EYA4: variants seen among roughly 807,000 people sequenced by gnomAD.
The protein encoded by EYA4 is EYA transcriptional coactivator and phosphatase 4.
EYA4 carries 31 observed loss-of-function variants against 87.9 expected under a neutral mutation model. The ratio of observed to expected loss-of-function variants is 0.35; its 90% CI spans 0.27 to 0.48. The LOEUF (loss-of-function observed/expected upper bound fraction) is 0.48. Among genes scored for constraint, EYA4 ranks in the 20% least tolerant of loss-of-function variants. The pLI, the probability that EYA4 is intolerant of heterozygous loss-of-function variation, is 0.99. For missense variants in EYA4, 678 were observed against 761.4 expected (o/e 0.89, Z 1.29); for synonymous variants, 263 against 270.6 (o/e 0.97, Z 0.28).
At chr6:133,258,274 C>G (rs1441952555) in intron 1 of EYA4, among the ~76,000 whole-genome samples, 1 of 152,178 alleles carries the variant, frequency 6.6e-6, no homozygotes, top group Non-Finnish European at 1.5e-5. Context: ...TCTCTACCAC[C>G]TGATGTCTTT....
chr6:133,251,220 T>C (rs1774873761), intron 1 of EYA4, among the ~76,000 whole-genome samples: 1 of 152,246 alleles, frequency 6.6e-6, no homozygotes, highest in African/African-American at 2.4e-5. Context: ...ATAATGGTAG[T>C]ACTTTATAGC....
At chr6:133,279,027 A>G (rs1480646865) in intron 2 of EYA4, among the ~76,000 whole-genome samples, 1 of 152,114 alleles carries the variant, frequency 6.6e-6, no homozygotes, top group Admixed American at 6.5e-5. Flanking sequence ...TATAGCTTCT[A>G]TAATATCTTT....
At chr6:133,512,441 A>G (rs750525881) in intron 14 of EYA4, among the ~76,000 whole-genome samples, 1 of 152,248 alleles carries the variant, frequency 6.6e-6, no homozygotes, top group Non-Finnish European at 1.5e-5. Context: ...TTTCTTATCA[A>G]TAATTTTAAG....
At chr6:133,438,822 C>A (rs1319762301) in intron 3 of EYA4, among the ~76,000 whole-genome samples, 2 of 151,952 alleles carry the variant, frequency 1.3e-5, no homozygotes, top group Non-Finnish European at 2.9e-5. Context: ...GTGGGTGGAT[C>A]ACAAGGTCAG....
chr6:133,453,129 G>A (rs1317767257), intron 5 of EYA4: 1 of 152,020 alleles, frequency 6.6e-6, no homozygotes, highest in Non-Finnish European at 1.5e-5. Flanking sequence ...AACAGTCAAG[G>A]AATAGGCACT....
At chr6:133,302,452 A>G (rs924779493) in intron 2 of EYA4, among the ~76,000 whole-genome samples, 2 of 152,220 alleles carry the variant, frequency 1.3e-5, no homozygotes, top group African/African-American at 2.4e-5. Context: ...CAGTATATTC[A>G]TTAATAATCG....
chr6:133,476,889 C>A (rs575641990), intron 11 of EYA4, among the ~76,000 whole-genome samples: 3 of 152,152 alleles, frequency 2.0e-5, no homozygotes, highest in African/African-American at 7.2e-5. Context: ...TTGTAATCCC[C>A]CTAATGCCCA....
chr6:133,530,957 C>G lies in EYA4; in HGVS notation c.*2152C>G. The G allele has an allele frequency of 8.1e-7, 1 of 1,232,794 alleles. No homozygotes were observed. Among genetic ancestry groups the G allele is most frequent in the Non-Finnish European group, 1.0e-6 (1 of 984,498 alleles). The allele number at this position is 1,232,794 out of a possible 1,614,324, so 76.4% of individuals were successfully genotyped here. A position where few individuals can be genotyped will look rare whatever the true frequency, so the allele number is the denominator to read the frequency against. ...TACTTAATTATGTTGTGCACTAAAA[C>G]CTTAAATATTTATTACTGTGAATAA... On this transcript the variant is annotated 3_prime_UTR_variant, in exon 20 of 20. Coordinates refer to ENST00000355286, the MANE Select transcript of EYA4 (RefSeq NM_004100.5).
chr6:133,480,911 A>G (rs778210711), intron 11 of EYA4, among the ~76,000 whole-genome samples: 39 of 152,044 alleles, frequency 2.6e-4, no homozygotes, highest in Non-Finnish European at 4.4e-5. Flanking sequence ...AGGACTTTTT[A>G]ACTTCTCAGT....
At chr6:133,349,684 G>T (rs1783484762) in intron 2 of EYA4, among the ~76,000 whole-genome samples, 8 of 151,270 alleles carry the variant, frequency 5.3e-5, no homozygotes, top group Admixed American at 5.2e-4. Flanking sequence ...GAATGTGGGG[G>T]CTGTAATAAA....
rs776895586 is a variant in EYA4, at chr6:133,531,670, G to A, written c.*2865G>A. On this transcript the variant is annotated 3_prime_UTR_variant, in exon 20 of 20. Transcript: ENST00000355286. Reference sequence around the variant, plus strand: ...GGACACTATGCCCCTGCAAAATTTTGTAAATCAAATTCAGAGGCAAAAACA... The same window carrying A: ...GGACACTATGCCCCTGCAAAATTTTATAAATCAAATTCAGAGGCAAAAACA... 1.3e-5 allele frequency: 2 copies of A among 156,488 alleles called. No homozygotes were observed. The highest frequency in any genetic ancestry group is 4.8e-5 in the African/African-American group (2 of 41,574). The allele number at this position is 156,488 out of a possible 1,614,324, so 9.7% of individuals were successfully genotyped here.
intron 3 of EYA4, among the ~76,000 whole-genome samples, chr6:133,445,995 A>T (rs1347940878): frequency 6.6e-6 from 1 of 152,190 alleles, no homozygotes; most frequent in African/African-American, 2.4e-5. Context: ...CTGAATGCAT[A>T]CTAAAAGTGT....
intron 3 of EYA4, among the ~76,000 whole-genome samples, chr6:133,419,405 G>A (rs1450680659): frequency 1.1e-4 from 16 of 152,120 alleles, no homozygotes; most frequent in Non-Finnish European, 1.5e-4. Context: ...CTCAGGACAC[G>A]TCTTGTCTGT....
intron 1 of EYA4, chr6:133,248,955 G>T (rs1774659365): frequency 6.6e-6 from 1 of 151,852 alleles, no homozygotes; most frequent in Admixed American, 6.6e-5. Flanking sequence ...GACTCATGAA[G>T]AATTTTAATT....
At chr6:133,462,498 T>C in intron 8 of EYA4, 21 bp downstream of exon 8, 1 of 1,613,990 alleles carries the variant, frequency 6.2e-7, no homozygotes, top group Non-Finnish European at 8.5e-7. Flanking sequence ...TCTTCTGTTT[T>C]CTTCTTTGGT....
At chr6:133,524,764 G>T (rs1800483121) in intron 18 of EYA4, among the ~76,000 whole-genome samples, 1 of 152,122 alleles carries the variant, frequency 6.6e-6, no homozygotes, top group Admixed American at 6.6e-5. Flanking sequence ...TCTGTTGGTG[G>T]AGAAAAACAT....
intron 3 of EYA4, among the ~76,000 whole-genome samples, chr6:133,418,246 C>T (rs140585815): frequency 2.0e-5 from 3 of 152,284 alleles, no homozygotes; most frequent in Non-Finnish European, 2.9e-5. Flanking sequence ...TGATTCACTG[C>T]ATCCTAGGAG....
chr6:133,342,340 A>G (rs529673924), intron 2 of EYA4, among the ~76,000 whole-genome samples: 8 of 144,782 alleles, frequency 5.5e-5, no homozygotes, highest in Non-Finnish European at 1.2e-4. Flanking sequence ...AGGGTCCAGT[A>G]CCCAGAAGGG....
rs114763092 is a variant in EYA4, at chr6:133,258,062, A to G, written c.-66+16313A>G. 6.3e-3 allele frequency among the ~76,000 whole-genome samples: 958 copies of G among 152,330 alleles called. 18 individuals are homozygous for G. The highest frequency in any genetic ancestry group is 0.022 in the African/African-American group (906 of 41,588). ...ATGAAAAAGAAATTAAGACATTAAGAAAACCAAGCTGGATTGTCCAAGTGT... is the reference window on the plus strand; with the variant it reads ...ATGAAAAAGAAATTAAGACATTAAGGAAACCAAGCTGGATTGTCCAAGTGT... On this transcript the variant is annotated intron_variant, in intron 1 of 19. Coordinates refer to ENST00000355286, the MANE Select transcript of EYA4 (RefSeq NM_004100.5).
Sources: gnomAD v4.1 joint callset for allele counts (sites outside exome capture counted in the v4.1 genomes callset) on GRCh38, gnomAD v4.1.1 for gene constraint, MANE v1.5 for transcripts, NCBI Gene and HGNC (gene_info 2026-07-23, HGNC 2026-07-21) for gene names.